The following PPP2R2B variants were observed in gnomAD, a reference collection of about 807,000 sequenced individuals.
PPP2R2B encodes the protein serine/threonine-protein phosphatase 2A 55 kDa regulatory subunit B beta isoform.
Under a neutral mutation model 46.0 loss-of-function variants are expected in PPP2R2B, and 5 were observed. That is an observed-to-expected ratio of 0.11 (90% CI 0.06 to 0.23). The LOEUF (loss-of-function observed/expected upper bound fraction) is 0.23, where lower values mean the gene tolerates loss of function less well. Ranked by LOEUF, PPP2R2B falls within the 10% of genes least tolerant of loss-of-function variation. PPP2R2B has a pLI of 1.00. For synonymous variants in PPP2R2B, 215 were observed against 206.7 expected (o/e 1.04, Z -0.34); for missense variants, 367 against 575.0 (o/e 0.64, Z 3.70).
At chr5:146,691,786 C>A (rs1778870838) in intron 4 of PPP2R2B, among the ~76,000 whole-genome samples, 1 of 152,182 alleles carries the variant, frequency 6.6e-6, no homozygotes, top group Admixed American at 6.5e-5. Context: ...CATGGCTTCC[C>A]TACTGCTCCA....
At chr5:147,022,076 T>TA (rs1755296360) in intron 1 of PPP2R2B, among the ~76,000 whole-genome samples, 5 of 151,780 alleles carry the variant, frequency 3.3e-5, no homozygotes, top group African/African-American at 9.7e-5. Flanking sequence ...CAAAATAAGT[T>TA]AAAAAAACAA....
intron 1 of PPP2R2B, among the ~76,000 whole-genome samples, chr5:147,038,426 ATTAC>A (rs1756141208): frequency 6.6e-6 from 1 of 152,150 alleles, no homozygotes; most frequent in South Asian, 2.1e-4. Flanking sequence ...ACATTATTAA[ATTAC>A]TTTAAACACT....
intron 1 of PPP2R2B, among the ~76,000 whole-genome samples, chr5:146,942,176 C>A (rs1336278843): frequency 6.6e-6 from 1 of 152,160 alleles, no homozygotes; most frequent in Non-Finnish European, 1.5e-5. Context: ...TTCTGAGGTG[C>A]TATGAGTTAG....
At position 146,582,719 on chromosome 5, in the gene PPP2R2B, A is replaced by G. The variant is rs1184592654; in HGVS notation, c.*7228T>C. On this transcript the variant is annotated 3_prime_UTR_variant, in exon 10 of 10. Transcript: ENST00000394411. The stretch of plus-strand genomic sequence containing the variant: ...TTGAGCACCTACTATGAGCCAGACA[A>G]TGTTCTGTGCTCTGGGGATACAGGA... The G allele has an allele frequency of 1.3e-5, 2 of 152,146 alleles. No homozygotes were observed. The highest frequency in any genetic ancestry group is 1.9e-4 in the East Asian group (1 of 5,190). 9.4% of individuals were successfully genotyped at this position (152,146 alleles called of 1,614,324 possible). A position where few individuals can be genotyped will look rare whatever the true frequency, so the allele number is the denominator to read the frequency against.
chr5:146,844,120 G>A (rs533664886), intron 2 of PPP2R2B, among the ~76,000 whole-genome samples: 8 of 144,138 alleles, frequency 5.6e-5, no homozygotes, highest in South Asian at 2.2e-4. Flanking sequence ...ACCAAACACC[G>A]CATATTCTCA....
upstream of PPP2R2B, among the ~76,000 whole-genome samples, chr5:147,060,631 TAAAA>T (rs1163385571): frequency 6.6e-6 from 1 of 151,602 alleles, no homozygotes; most frequent in Non-Finnish European, 1.5e-5. Context: ...GAGTCTGTCT[TAAAA>T]AAAAGAAACA....
intron 2 of PPP2R2B, among the ~76,000 whole-genome samples, chr5:146,847,023 T>A (rs1760052210): frequency 6.6e-6 from 1 of 152,202 alleles, no homozygotes; most frequent in South Asian, 2.1e-4. Context: ...GGAAAACATC[T>A]TCATATAATT....
At chr5:146,686,291 G>A (rs528316034) in intron 5 of PPP2R2B, among the ~76,000 whole-genome samples, 9 of 152,260 alleles carry the variant, frequency 5.9e-5, no homozygotes, top group Admixed American at 1.3e-4. Flanking sequence ...GGCAGACAGC[G>A]AAGAAAATGC....
intron 1 of PPP2R2B, among the ~76,000 whole-genome samples, chr5:146,885,915 G>C (rs1762305339): frequency 6.6e-6 from 1 of 152,066 alleles, no homozygotes; most frequent in South Asian, 2.1e-4. Flanking sequence ...GAAACGTTCA[G>C]AATAGACAAC....
At chr5:146,767,624 C>A (rs1754569506) in intron 2 of PPP2R2B, among the ~76,000 whole-genome samples, 2 of 152,106 alleles carry the variant, frequency 1.3e-5, no homozygotes, top group East Asian at 3.9e-4. Context: ...TGAGTACAAG[C>A]TATAGAGATT....
At chr5:146,781,368 T>C (rs1348391286) in intron 2 of PPP2R2B, among the ~76,000 whole-genome samples, 1 of 151,244 alleles carries the variant, frequency 6.6e-6, no homozygotes, top group Non-Finnish European at 1.5e-5. Flanking sequence ...AGTGTGTATA[T>C]TGAACTGTAT....
chr5:146,878,779 G>T (rs1057264689), upstream of PPP2R2B: 6 of 1,301,686 alleles, frequency 4.6e-6, no homozygotes, highest in Non-Finnish European at 5.0e-6. This position sits in a 1 kb window ranked among gnomAD's most constrained non-coding sequence, Gnocchi z 4.5. Flanking sequence ...GAGGCGGCTG[G>T]TGCATTAAAG....
At chr5:146,826,834 T>C (rs1490978127) in intron 2 of PPP2R2B, among the ~76,000 whole-genome samples, 1 of 152,112 alleles carries the variant, frequency 6.6e-6, no homozygotes, top group Admixed American at 6.5e-5. Context: ...TGCATACATA[T>C]CACTTCTGCC....
At chr5:146,856,855 A>C (rs1439489220) in intron 2 of PPP2R2B, among the ~76,000 whole-genome samples, 1 of 152,182 alleles carries the variant, frequency 6.6e-6, no homozygotes, top group Non-Finnish European at 1.5e-5. Context: ...GCTCCTGATC[A>C]TCATCAGCAG....
intron 1 of PPP2R2B, among the ~76,000 whole-genome samples, chr5:146,967,219 G>A (rs1752460044): frequency 6.6e-6 from 1 of 152,180 alleles, no homozygotes; most frequent in Non-Finnish European, 1.5e-5. Context: ...CCAGGCCTGA[G>A]TTTTGGTTAA....
chr5:146,584,450 G>C lies in PPP2R2B; in HGVS notation c.*5497C>G, dbSNP rs534806566. 2 of 152,292 alleles carry C rather than the reference G, an allele frequency of 1.3e-5. No individual in the cohort carries two copies. The highest frequency in any genetic ancestry group is 4.1e-4 in the South Asian group (2 of 4,830). 9.4% of individuals were successfully genotyped at this position (152,292 alleles called of 1,614,324 possible). ...CGTGTTTGTGAGTATCCACGCTAGGGAAAATAATCAAGCCAAGGTAACTCT... is the reference window on the plus strand; with the variant it reads ...CGTGTTTGTGAGTATCCACGCTAGGCAAAATAATCAAGCCAAGGTAACTCT... On this transcript the variant is annotated 3_prime_UTR_variant, in exon 10 of 10. Transcript: ENST00000394411.
At chr5:146,940,039 G>A (rs1261101390) in intron 1 of PPP2R2B, among the ~76,000 whole-genome samples, 2 of 152,146 alleles carry the variant, frequency 1.3e-5, no homozygotes, top group Admixed American at 6.5e-5. Flanking sequence ...TATGGCAGTT[G>A]TAACCTAAAA....
At chr5:146,753,015 T>C (rs1286110801) in intron 2 of PPP2R2B, among the ~76,000 whole-genome samples, 3 of 152,192 alleles carry the variant, frequency 2.0e-5, no homozygotes, top group Non-Finnish European at 4.4e-5. Flanking sequence ...GCTGTGGCTA[T>C]GACTTCAAAT....
chr5:146,975,829 G>T (rs540197643), intron 1 of PPP2R2B, among the ~76,000 whole-genome samples: 14 of 151,836 alleles, frequency 9.2e-5, no homozygotes, highest in East Asian at 5.8e-4. Context: ...TTTTTAATTG[G>T]TTTTTTGTTG....
Sources: gnomAD v4.1 joint callset for allele counts (sites outside exome capture counted in the v4.1 genomes callset) on GRCh38, gnomAD v4.1.1 for gene constraint, Gnocchi (gnomAD v3.1) non-coding constraint, MANE v1.5 for transcripts, NCBI Gene and HGNC (gene_info 2026-07-23, HGNC 2026-07-21) for gene names.